Variants in C1orf94 observed in about 807,000 individuals in gnomAD.
The protein encoded by C1orf94 is uncharacterized protein C1orf94.
A neutral mutation model predicts 53.6 loss-of-function variants in C1orf94; 45 were observed. That is an observed-to-expected ratio of 0.84 (90% CI 0.66 to 1.08). The LOEUF (loss-of-function observed/expected upper bound fraction) is 1.08, where lower values mean the gene tolerates loss of function less well. Among genes scored for constraint, C1orf94 ranks in the 50% least tolerant of loss-of-function variants. The probability of loss-of-function intolerance (pLI) is 0.00; values close to 1 mark genes in which losing one functional copy is unlikely to be tolerated. For missense variants in C1orf94, 762 were observed against 738.9 expected (o/e 1.03, Z -0.36); for synonymous variants, 304 against 296.1 (o/e 1.03, Z -0.27).
intron 5 of C1orf94, among the ~76,000 whole-genome samples, chr1:34,210,357 A>G (rs1341583117): frequency 6.6e-6 from 1 of 152,186 alleles, no homozygotes; most frequent in African/African-American, 2.4e-5. Context: ...CCACATCTCC[A>G]CTGGAGAACA....
rs559037052 is a variant in C1orf94, at chr1:34,196,738, A to G, written c.321-487A>G. 8.5e-4 allele frequency among the ~76,000 whole-genome samples: 129 copies of G among 152,274 alleles called. 1 individual carries two copies. The highest frequency in any genetic ancestry group is 2.7e-3 in the South Asian group (13 of 4,820). On this transcript the variant is annotated intron_variant, in intron 1 of 6. Transcript: ENST00000488417. ...GTAAGCTTAGGCTGTCCACTCCACC[A>G]TTCTGCAGTGAGGTGATGGGGGCTG...
intron 5 of C1orf94, 80 bp downstream of exon 5, chr1:34,208,314 T>C: frequency 7.2e-7 from 1 of 1,398,274 alleles, no homozygotes; most frequent in East Asian, 2.5e-5. Context: ...CCCTCCTCCT[T>C]TTCCAGCTGG....
At chr1:34,173,763 A>G (rs1642181909), upstream of C1orf94, among the ~76,000 whole-genome samples, 1 of 152,240 alleles carries the variant, frequency 6.6e-6, no homozygotes, top group African/African-American at 2.4e-5. Context: ...GTAAGTAGTC[A>G]GGGGGAATTC....
intron 1 of C1orf94, among the ~76,000 whole-genome samples, chr1:34,196,521 G>A (rs774190665): frequency 2.6e-5 from 4 of 152,122 alleles, no homozygotes; most frequent in South Asian, 2.1e-4. Flanking sequence ...ATCCAGGGGC[G>A]GGGACCAACT....
At chr1:34,185,369 AG>A (rs1300953825) in intron 1 of C1orf94, among the ~76,000 whole-genome samples, 1 of 152,020 alleles carries the variant, frequency 6.6e-6, no homozygotes, top group Non-Finnish European at 1.5e-5. Context: ...TAGTAGAGAC[AG>A]GGTTTCACCA....
At chr1:34,209,944 G>A (rs773179689) in intron 5 of C1orf94, among the ~76,000 whole-genome samples, 7 of 152,144 alleles carry the variant, frequency 4.6e-5, no homozygotes, top group Non-Finnish European at 7.4e-5. Flanking sequence ...GGCAATCACT[G>A]TTTAATGGTT....
intron 5 of C1orf94, among the ~76,000 whole-genome samples, chr1:34,209,546 C>A (rs982829929): frequency 1.3e-5 from 2 of 152,170 alleles, no homozygotes; most frequent in African/African-American, 4.8e-5. Context: ...AATGTGGACA[C>A]CCCCACACTC....
rs531268354 is a variant in C1orf94 at position 34,202,218 on chromosome 1, C to T, written c.1405C>T (p.Pro469Ser). 13 of 1,614,242 alleles carry T rather than the reference C, an allele frequency of 8.1e-6. No homozygotes were observed. The East Asian group carries it at 2.2e-4, about 28-fold the overall frequency. The stretch of plus-strand genomic sequence containing the variant: ...CTGGCTCAACCTGAACTATCCACCT[C>T]CACCAGTGTTCACGAATCACTCTAC... The part of the protein sequence containing the change: ...PLWLNLNYPP[P>S]PVFTNHSTFL... The change falls in exon 4 of 7, where the codon CCA (proline) becomes TCA (serine). Residue 469 changes from proline to serine, a missense_variant. Physicochemically the swap from Pro to Ser is moderately conservative, Grantham distance 74 (BLOSUM62 -1). Coordinates refer to ENST00000488417, the MANE Select transcript of C1orf94 (RefSeq NM_001134734.2).
chr1:34,202,047 C>G (rs758154658), intron 3 of C1orf94, 37 bp from the exon 4 acceptor site: 1 of 1,601,542 alleles, frequency 6.2e-7, no homozygotes, highest in South Asian at 1.1e-5. Flanking sequence ...TCCCTGCCTC[C>G]ATCACTGACC....
Position 34,202,296 on chromosome 1 carries a change from C to T in C1orf94, c.1446+37C>T, listed in dbSNP as rs150104756. ...GGCCTGGCTCTCCTGTGGACATCCA[C>T]GGGGGTTTTGGCCACAGAGAAGGAG... On this transcript the variant is annotated intron_variant, in intron 4 of 6. Coordinates refer to ENST00000488417, the MANE Select transcript of C1orf94 (RefSeq NM_001134734.2). 169 of 1,600,804 alleles carry T rather than the reference C, an allele frequency of 1.1e-4. No homozygotes were observed. The African/African-American group carries it at 1.5e-3, about 14-fold the overall frequency.
chr1:34,196,484 T>C (rs1642586497), intron 1 of C1orf94, among the ~76,000 whole-genome samples: 1 of 152,082 alleles, frequency 6.6e-6, no homozygotes, highest in Non-Finnish European at 1.5e-5. Flanking sequence ...AGAGTGAACA[T>C]GAGTATCCAA....
intron 2 of C1orf94, among the ~76,000 whole-genome samples, chr1:34,198,889 G>A (rs1000011947): frequency 2.6e-5 from 4 of 152,134 alleles, no homozygotes; most frequent in Admixed American, 6.5e-5. Flanking sequence ...GGAGAGAGAC[G>A]GTTGAGCTCT....
At chr1:34,217,080 A>C (rs1643000768) in intron 6 of C1orf94, among the ~76,000 whole-genome samples, 1 of 152,178 alleles carries the variant, frequency 6.6e-6, no homozygotes, top group Admixed American at 6.5e-5. Context: ...ACTCTGTTTC[A>C]AATAAATGAA....
chr1:34,184,209 G>T (rs765489184), intron 1 of C1orf94, among the ~76,000 whole-genome samples: 3 of 152,182 alleles, frequency 2.0e-5, no homozygotes, highest in African/African-American at 4.8e-5. Context: ...ATTAATAACT[G>T]CAAAGGTTTC....
At chr1:34,172,798 G>A (rs1455506904), upstream of C1orf94, among the ~76,000 whole-genome samples, 1 of 152,256 alleles carries the variant, frequency 6.6e-6, no homozygotes, top group Non-Finnish European at 1.5e-5. Context: ...GAGACAACAT[G>A]AGGGGGAGGC....
chr1:34,212,095 C>G (rs1348843066), intron 5 of C1orf94, 115 bp from the exon 6 acceptor site: 3 of 887,616 alleles, frequency 3.4e-6, no homozygotes, highest in Non-Finnish European at 5.0e-6. Flanking sequence ...ATGTTGCCTT[C>G]TGTGTACCCA....
chr1:34,199,857 C>T (rs1642669483), intron 2 of C1orf94, among the ~76,000 whole-genome samples: 1 of 152,164 alleles, frequency 6.6e-6, no homozygotes, highest in South Asian at 2.1e-4. Flanking sequence ...CACAGTTATC[C>T]CTGCCTGCCA....
intron 1 of C1orf94, among the ~76,000 whole-genome samples, chr1:34,191,880 T>G (rs1642498626): frequency 6.6e-6 from 1 of 152,220 alleles, no homozygotes; most frequent in Admixed American, 6.5e-5. Flanking sequence ...CCTTTATTTT[T>G]GTATGACTCT....
chr1:34,189,916 C>A (rs1396851083), intron 1 of C1orf94, among the ~76,000 whole-genome samples: 1 of 152,212 alleles, frequency 6.6e-6, no homozygotes, highest in East Asian at 1.9e-4. Flanking sequence ...GGTTTTGAAT[C>A]CAGGTCTCCT....
Sources: allele counts gnomAD v4.1 joint callset (sites outside exome capture counted in the v4.1 genomes callset), GRCh38; gene constraint gnomAD v4.1.1; transcripts MANE v1.5; gene names NCBI Gene and HGNC (gene_info 2026-07-23, HGNC 2026-07-21).